PPFIA2: variants seen among roughly 807,000 people sequenced by gnomAD.
PPFIA2 encodes liprin-alpha-2.
PPFIA2 carries 46 observed loss-of-function variants against 175.5 expected under a neutral mutation model. The ratio of observed to expected loss-of-function variants is 0.26; its 90% confidence interval spans 0.21 to 0.34. PPFIA2 has a LOEUF of 0.34. PPFIA2 is among the 10% of genes least tolerant of loss of function. The pLI is 1.00. For synonymous variants in PPFIA2, 568 were observed against 511.4 expected (o/e 1.11, Z -1.49); for missense variants, 1,179 against 1,506.1 (o/e 0.78, Z 3.60).
chr12:81,735,184 T>C (rs778287683), intron 3 of PPFIA2, among the ~76,000 whole-genome samples: 6 of 151,852 alleles, frequency 4.0e-5, no homozygotes, highest in African/African-American at 7.2e-5. Flanking sequence ...TTAAATAAAC[T>C]ACTAGATTAT....
At chr12:81,533,345 A>G (rs1220419457) in intron 4 of PPFIA2, among the ~76,000 whole-genome samples, 4 of 151,676 alleles carry the variant, frequency 2.6e-5, no homozygotes, top group Non-Finnish European at 5.9e-5. Context: ...TAATTTATCA[A>G]ATTTATGCAT....
intron 3 of PPFIA2, among the ~76,000 whole-genome samples, chr12:81,731,673 T>C (rs1022347193): frequency 1.9e-4 from 29 of 151,686 alleles, no homozygotes; most frequent in African/African-American, 6.8e-4. Context: ...ATGTGAGGGT[T>C]CAGAAAACAG....
chr12:81,593,996 C>T (rs1432166884), intron 4 of PPFIA2, among the ~76,000 whole-genome samples: 1 of 152,110 alleles, frequency 6.6e-6, no homozygotes, highest in Non-Finnish European at 1.5e-5. Flanking sequence ...ACTCACATTA[C>T]CGCCTGAGCT....
chr12:81,618,379 A>T (rs11114935), intron 4 of PPFIA2, among the ~76,000 whole-genome samples: 1 of 152,056 alleles, frequency 6.6e-6, no homozygotes, highest in African/African-American at 2.4e-5. Flanking sequence ...AATATTTATT[A>T]AATAAATTAA....
At chr12:81,310,501 C>A (rs902785626) in intron 22 of PPFIA2, among the ~76,000 whole-genome samples, 1 of 152,008 alleles carries the variant, frequency 6.6e-6, no homozygotes, top group Non-Finnish European at 1.5e-5. Flanking sequence ...ATCATTCATT[C>A]ATTGTTTTTC....
At chr12:81,620,745 A>T (rs1783263090) in intron 4 of PPFIA2, among the ~76,000 whole-genome samples, 1 of 152,214 alleles carries the variant, frequency 6.6e-6, no homozygotes. Context: ...TGGGGCTGAG[A>T]TTATCTAAGG....
intron 4 of PPFIA2, among the ~76,000 whole-genome samples, chr12:81,648,232 CA>C (rs984559464): frequency 1.3e-5 from 2 of 151,424 alleles, no homozygotes; most frequent in African/African-American, 2.4e-5. Flanking sequence ...TTCATACATA[CA>C]AAAAAACTTT....
chr12:81,513,942 A>G (rs974275746), intron 4 of PPFIA2, among the ~76,000 whole-genome samples: 1 of 152,048 alleles, frequency 6.6e-6, no homozygotes, highest in African/African-American at 2.4e-5. Flanking sequence ...ATTAAACTGC[A>G]TTGCTCTACA....
intron 9 of PPFIA2, among the ~76,000 whole-genome samples, chr12:81,378,730 C>A (rs533859727): frequency 2.0e-5 from 3 of 152,190 alleles, no homozygotes; most frequent in Admixed American, 6.5e-5. Flanking sequence ...ATTTTAACAG[C>A]AATAAAGTCA....
At chr12:81,663,309 C>T (rs1328470805) in intron 4 of PPFIA2, among the ~76,000 whole-genome samples, 16 of 152,058 alleles carry the variant, frequency 1.1e-4, no homozygotes, top group Admixed American at 2.0e-4. Context: ...CAGCCCAAAA[C>T]CTCCTTAAGC....
chr12:81,259,593 A>G lies in PPFIA2; in HGVS notation c.*101T>C, dbSNP rs1331647194. 6.6e-7 allele frequency: 1 copy of G among 1,518,424 alleles called. No individual in the cohort carries two copies. The highest frequency in any genetic ancestry group is 1.4e-5 in the African/African-American group (1 of 72,558). The allele number at this position is 1,518,424 out of a possible 1,614,324, so 94.1% of individuals were successfully genotyped here. A position where few individuals can be genotyped will look rare whatever the true frequency, so the allele number is the denominator to read the frequency against. ...ATTTCCTTAGAATTCAGTTTTCACA[A>G]AGGTTTTCACTGCTCGTCTTCTTAG... On this transcript the variant is annotated 3_prime_UTR_variant, in exon 33 of 33. Transcript: ENST00000549396.
At chr12:81,301,419 A>G (rs577012383) in intron 22 of PPFIA2, among the ~76,000 whole-genome samples, 2 of 152,310 alleles carry the variant, frequency 1.3e-5, no homozygotes, top group African/African-American at 4.8e-5. Flanking sequence ...GGAGCACGTA[A>G]CATTTTCAGA....
chr12:81,715,090 G>T (rs1163800351), intron 3 of PPFIA2, among the ~76,000 whole-genome samples: 2 of 150,970 alleles, frequency 1.3e-5, no homozygotes, highest in African/African-American at 4.8e-5. Context: ...AATTGTTAAA[G>T]AAATAGATGT....
intron 3 of PPFIA2, among the ~76,000 whole-genome samples, chr12:81,684,020 A>G (rs1438630138): frequency 1.3e-5 from 2 of 152,082 alleles, no homozygotes; most frequent in African/African-American, 4.8e-5. Context: ...TTCATGAGGG[A>G]TCTGTCCCAT....
chr12:81,498,188 C>CT (rs1308572451), intron 4 of PPFIA2, among the ~76,000 whole-genome samples: 2 of 152,130 alleles, frequency 1.3e-5, no homozygotes, highest in Admixed American at 1.3e-4. Flanking sequence ...TTCTCATATA[C>CT]TCTTTACTCA....
At chr12:81,506,300 T>A (rs765840242) in intron 4 of PPFIA2, among the ~76,000 whole-genome samples, 5 of 152,224 alleles carry the variant, frequency 3.3e-5, no homozygotes, top group Non-Finnish European at 7.3e-5. Context: ...AAGTTTTCTT[T>A]AAAAGCCCAG....
chr12:81,521,248 AAGGT>A (rs2063088412), intron 4 of PPFIA2, among the ~76,000 whole-genome samples: 1 of 152,092 alleles, frequency 6.6e-6, no homozygotes, highest in African/African-American at 2.4e-5. Context: ...CCAAAAGATC[AAGGT>A]GAGTTTTGAG....
At chr12:81,303,657 G>A (rs1004153371) in intron 22 of PPFIA2, among the ~76,000 whole-genome samples, 1 of 152,102 alleles carries the variant, frequency 6.6e-6, no homozygotes, top group African/African-American at 2.4e-5. Context: ...AACATGTGGT[G>A]AGCACTCAGG....
rs577529539 is a variant in PPFIA2, at chr12:81,519,723, C to T, written c.304-61857G>A. 2.9e-4 allele frequency among the ~76,000 whole-genome samples: 44 copies of T among 152,262 alleles called. 1 individual carries two copies. In the South Asian group the frequency reaches 8.7e-3, roughly 30 times the overall value. ...AGCATTTAGCTATAGAAGCAAACAA[C>T]ACAAATTGCTATTCAGAACTTATAA... On this transcript the variant is annotated intron_variant, in intron 4 of 32. Coordinates refer to ENST00000549396, the MANE Select transcript of PPFIA2 (RefSeq NM_003625.5).
Sources: allele counts gnomAD v4.1 joint callset (sites outside exome capture counted in the v4.1 genomes callset), GRCh38; gene constraint gnomAD v4.1.1; transcripts MANE v1.5; gene names NCBI Gene and HGNC (gene_info 2026-07-23, HGNC 2026-07-21).